SHANK2: variants seen among roughly 807,000 people sequenced by gnomAD.
SHANK2 encodes the protein SH3 and multiple ankyrin repeat domains protein 2.
Under a neutral mutation model 133.7 loss-of-function variants are expected in SHANK2, and 43 were observed. The observed-to-expected ratio is 0.32, with a 90% confidence interval of 0.25 to 0.41. The LOEUF is 0.41. SHANK2 is among the 10% of genes least tolerant of loss of function. The pLI, the probability that SHANK2 is intolerant of heterozygous loss-of-function variation, is 1.00. For missense variants in SHANK2, 1,994 were observed against 2,235.8 expected (o/e 0.89, Z 2.18); for synonymous variants, 1,017 against 952.8 (o/e 1.07, Z -1.24).
intron 14 of SHANK2, among the ~76,000 whole-genome samples, chr11:70,750,731 A>G (rs1240887266): frequency 6.6e-6 from 1 of 152,198 alleles, no homozygotes; most frequent in African/African-American, 2.4e-5. Flanking sequence ...TGATATTCAG[A>G]AAAGAACTAA....
At chr11:71,210,232 A>ATATATG (rs1954234685) in intron 2 of SHANK2, among the ~76,000 whole-genome samples, 2 of 70,992 alleles carry the variant, frequency 2.8e-5, no homozygotes, top group East Asian at 3.4e-4. Flanking sequence ...ATATATATAT[A>ATATATG]TATATATATA....
chr11:71,152,426 T>C (rs1255216053), intron 2 of SHANK2, among the ~76,000 whole-genome samples: 1 of 152,132 alleles, frequency 6.6e-6, no homozygotes, highest in Non-Finnish European at 1.5e-5. Flanking sequence ...AAATTCACTG[T>C]TTTTAACGGA....
At chr11:70,636,343 G>A (rs11237004) in intron 17 of SHANK2, among the ~76,000 whole-genome samples, 15 of 152,266 alleles carry the variant, frequency 9.9e-5, no homozygotes, top group African/African-American at 1.7e-4. Flanking sequence ...GTGTGAATGC[G>A]TGTTAGTACA....
At chr11:70,563,271 T>C (rs1554981222) in intron 17 of SHANK2, among the ~76,000 whole-genome samples, 1 of 152,206 alleles carries the variant, frequency 6.6e-6, no homozygotes, top group East Asian at 1.9e-4. Flanking sequence ...TTTATATTTA[T>C]AGTAGACACC....
chr11:71,085,474 A>T (rs1951366268), intron 8 of SHANK2, among the ~76,000 whole-genome samples: 1 of 125,572 alleles, frequency 8.0e-6, no homozygotes, highest in African/African-American at 3.1e-5. Context: ...ATATATATAT[A>T]ATATATATGT....
At chr11:71,210,210 G>GTGTATATATATGTATGTATGTATA in intron 2 of SHANK2, among the ~76,000 whole-genome samples, 1 of 54,064 alleles carries the variant, frequency 1.8e-5, no homozygotes, top group East Asian at 1.1e-3. Flanking sequence ...AAATCCACAG[G>GTGTATATATATGTATGTATGTATA]TATATATATA....
chr11:70,482,503 G>A (rs1565523897), intron 25 of SHANK2, among the ~76,000 whole-genome samples: 1 of 152,222 alleles, frequency 6.6e-6, no homozygotes, highest in Non-Finnish European at 1.5e-5. Context: ...CCAGCTCCAT[G>A]GGTTGGAGGT....
intron 17 of SHANK2, among the ~76,000 whole-genome samples, chr11:70,599,905 G>GAAAGAAAGAAAGAA (rs1466206835): frequency 4.1e-5 from 3 of 73,730 alleles, no homozygotes; most frequent in Admixed American, 1.6e-4. Context: ...AAGAAAGAAA[G>GAAAGAAAGAAAGAA]AGAAAGAAAG....
intron 11 of SHANK2, chr11:70,863,467 G>C (rs1949295742): frequency 2.2e-6 from 1 of 457,742 alleles, no homozygotes; most frequent in Admixed American, 2.3e-5. Context: ...CTATGTGGTG[G>C]AAGACACGGA....
intron 17 of SHANK2, among the ~76,000 whole-genome samples, chr11:70,588,450 T>C (rs7924840): frequency 0.33 from 49,586 of 152,114 alleles, 9,163 homozygotes; most frequent in African/African-American, 0.5. Flanking sequence ...ATTAAAAGTG[T>C]TACTGCAGTG....
rs61886453 is a variant in SHANK2, at chr11:70,740,115, C to G, written c.1778-41352G>C. 1.9e-4 allele frequency among the ~76,000 whole-genome samples: 9 copies of G among 48,636 alleles called. 2 individuals carry two copies. Among genetic ancestry groups the G allele is most frequent in the African/African-American group, 4.2e-4 (4 of 9,426 alleles). The allele number at this position is 48,636 out of a possible 152,430, so 31.9% of individuals were successfully genotyped here. ...GGTGCTCATGGCTCCGTCCACAGCA[C>G]CTAGGACAGACAGTGCCTGCCACAC... is the stretch of plus-strand genomic sequence containing the variant. On this transcript the variant is annotated intron_variant, in intron 14 of 25. Coordinates refer to ENST00000601538, the MANE Select transcript of SHANK2 (RefSeq NM_012309.5).
chr11:70,639,951 G>C (rs2061155152), intron 17 of SHANK2, among the ~76,000 whole-genome samples: 1 of 152,216 alleles, frequency 6.6e-6, no homozygotes, highest in Non-Finnish European at 1.5e-5. Flanking sequence ...TAAGGAGGAG[G>C]GGGCAGGTCT....
chr11:71,069,279 G>A (rs1951110638), intron 9 of SHANK2, among the ~76,000 whole-genome samples: 1 of 150,164 alleles, frequency 6.7e-6, no homozygotes, highest in African/African-American at 2.5e-5. Flanking sequence ...ACCACCATCA[G>A]CACCATCATC....
In SHANK2 at chr11:71,182,550, A is replaced by G. The variant is rs1953580592; in HGVS notation, c.-12-35212T>C. ...TCAGGCGTTCCTTGGCTGGTAGGTG[A>G]CCATCTTCTCCCTGTGTCTTCACAC... On this transcript the variant is annotated intron_variant, in intron 2 of 25. Transcript: ENST00000601538. Among the ~76,000 whole-genome samples the G allele has an allele frequency of 2.0e-5, 3 of 152,086 alleles. No individual in the cohort carries two copies. In the South Asian group the frequency reaches 6.2e-4, roughly 32 times the overall value.
At chr11:70,508,824 G>GACTGCAATGAGCCATGATTGTGCT (rs1554968855) in intron 17 of SHANK2, among the ~76,000 whole-genome samples, 1 of 152,204 alleles carries the variant, frequency 6.6e-6, no homozygotes, top group Non-Finnish European at 1.5e-5. Flanking sequence ...TGGAGGTCGA[G>GACTGCAATGAGCCATGATTGTGCT]ACTGCAATGA....
intron 14 of SHANK2, among the ~76,000 whole-genome samples, chr11:70,751,790 A>T (rs117400864): frequency 0.022 from 3,379 of 152,282 alleles, 74 homozygotes; most frequent in Non-Finnish European, 0.029. Context: ...GCAGTGGTAA[A>T]GCATTAAGTA....
chr11:70,798,100 C>T (rs782594091), intron 14 of SHANK2, among the ~76,000 whole-genome samples: 5 of 152,124 alleles, frequency 3.3e-5, no homozygotes, highest in Non-Finnish European at 7.4e-5. Context: ...TGGGAAGCTG[C>T]CTGTTTTATG....
At chr11:70,737,048 G>A (rs1815855) in intron 14 of SHANK2, among the ~76,000 whole-genome samples, 16,160 of 152,066 alleles carry the variant, frequency 0.11, 1,731 homozygotes, top group African/African-American at 0.28. Context: ...TCCTTCACCC[G>A]CGGCCAAAGT....
intron 11 of SHANK2, among the ~76,000 whole-genome samples, chr11:70,880,765 A>T (rs1949647157): frequency 6.6e-6 from 1 of 152,184 alleles, no homozygotes; most frequent in Non-Finnish European, 1.5e-5. Flanking sequence ...TTTTCCCTCC[A>T]TAGAACAAGG....
Sources: gnomAD v4.1 joint callset for allele counts (sites outside exome capture counted in the v4.1 genomes callset) on GRCh38, gnomAD v4.1.1 for gene constraint, MANE v1.5 for transcripts, NCBI Gene and HGNC (gene_info 2026-07-23, HGNC 2026-07-21) for gene names.